Variants in LIPI observed in about 807,000 individuals in gnomAD.
LIPI encodes the protein lipase member I.
A neutral mutation model predicts 50.6 loss-of-function variants in LIPI; 59 were observed. That is an observed-to-expected ratio of 1.16 (90% confidence interval 0.94 to 1.45). LIPI has a LOEUF of 1.45. LIPI is among the 40% of genes most tolerant of loss of function. The pLI is 0.00. For synonymous variants in LIPI, 203 were observed against 178.2 expected, an observed-to-expected ratio of 1.14 and a Z score of -1.11; for missense variants, 586 against 536.3, an observed-to-expected ratio of 1.09 and a Z score of -0.92.
intron 6 of LIPI, 61 bp from the exon 7 acceptor site, chr21:14,163,584 A>G (rs918138480): frequency 2.4e-6 from 2 of 831,516 alleles, no homozygotes; most frequent in Non-Finnish European, 4.3e-6. Flanking sequence ...AAAATGTCAA[A>G]TCACTAAAGT....
intron 9 of LIPI, among the ~76,000 whole-genome samples, chr21:14,132,340 G>A (rs1166639982): frequency 6.6e-6 from 1 of 152,108 alleles, no homozygotes; most frequent in South Asian, 2.1e-4. Flanking sequence ...TATAAAGGAA[G>A]CCCCATCAGA....
intron 1 of LIPI, among the ~76,000 whole-genome samples, chr21:14,202,335 T>C (rs150444539): frequency 6.6e-6 from 1 of 152,134 alleles, no homozygotes; most frequent in African/African-American, 2.4e-5. Flanking sequence ...AAAACTATTT[T>C]AAAGTTCATA....
intron 1 of LIPI, among the ~76,000 whole-genome samples, chr21:14,205,009 A>AAT (rs1193986173): frequency 7.2e-5 from 11 of 151,752 alleles, no homozygotes; most frequent in East Asian, 3.9e-4. Context: ...GAAAGGAACT[A>AAT]ATATATATAT....
chr21:14,116,516 G>C lies in LIPI; in HGVS notation c.1296-7436C>G, dbSNP rs532829883. On this transcript the variant is annotated intron_variant, in intron 9 of 9. Transcript: ENST00000681601. ...AGCCGACTCCATTAGAATGTATGTTGAAGAACTTTAAGAAAGGCTTTGATG... is the reference window on the plus strand; with the variant it reads ...AGCCGACTCCATTAGAATGTATGTTCAAGAACTTTAAGAAAGGCTTTGATG... 2.6e-5 allele frequency among the ~76,000 whole-genome samples: 4 copies of C among 152,294 alleles called. No homozygotes were observed. In the South Asian group the frequency reaches 8.3e-4, roughly 32 times the overall value.
intron 7 of LIPI, among the ~76,000 whole-genome samples, chr21:14,162,218 T>C (rs572635551): frequency 1.3e-5 from 2 of 151,028 alleles, no homozygotes; most frequent in Non-Finnish European, 3.0e-5. Flanking sequence ...AGTGAAAAAA[T>C]AAGCCAATTA....
chr21:14,203,683 G>A (rs2020139622), intron 1 of LIPI, among the ~76,000 whole-genome samples: 1 of 151,828 alleles, frequency 6.6e-6, no homozygotes, highest in Non-Finnish European at 1.5e-5. Flanking sequence ...GGGGCCTGTT[G>A]TGGGGTGTGG....
At chr21:14,181,072 TTATC>T (rs1489950582) in intron 4 of LIPI, among the ~76,000 whole-genome samples, 10 of 152,300 alleles carry the variant, frequency 6.6e-5, no homozygotes, top group African/African-American at 1.9e-4. Context: ...ATGACAGTTG[TTATC>T]TATCTAACGG....
chr21:14,179,309 C>A (rs1046362144), intron 4 of LIPI, among the ~76,000 whole-genome samples: 1 of 151,752 alleles, frequency 6.6e-6, no homozygotes, highest in African/African-American at 2.4e-5. Flanking sequence ...GCTGAGTCCA[C>A]GCATATCATT....
chr21:14,204,428 T>A (rs1315900544), intron 1 of LIPI, among the ~76,000 whole-genome samples: 1 of 151,954 alleles, frequency 6.6e-6, no homozygotes. Context: ...CATGATTGAA[T>A]ATAAGCATTA....
chr21:14,208,869 T>C (rs910508334), intron 1 of LIPI, among the ~76,000 whole-genome samples: 4 of 152,016 alleles, frequency 2.6e-5, no homozygotes, highest in Admixed American at 6.6e-5. Flanking sequence ...CTGGGTAACA[T>C]AGTGAAACGC....
intron 1 of LIPI, among the ~76,000 whole-genome samples, chr21:14,198,909 C>A (rs546015119): frequency 1.3e-5 from 2 of 152,086 alleles, no homozygotes; most frequent in African/African-American, 4.8e-5. Context: ...AACAAAAAGT[C>A]TCTCATACCA....
At chr21:14,169,319 A>G (rs992186583) in intron 4 of LIPI, among the ~76,000 whole-genome samples, 3 of 152,128 alleles carry the variant, frequency 2.0e-5, no homozygotes, top group African/African-American at 7.2e-5. Context: ...CAGAAAGTTA[A>G]CAAGGATACC....
At chr21:14,129,808 TTA>T (rs1491435698) in intron 9 of LIPI, among the ~76,000 whole-genome samples, 129 of 140,948 alleles carry the variant, frequency 9.2e-4, no homozygotes, top group African/African-American at 3.2e-3. Flanking sequence ...GTTTTTTTTT[TTA>T]AAAAAAAAAA....
At chr21:14,138,663 C>T (rs1245843897) in intron 9 of LIPI, among the ~76,000 whole-genome samples, 1 of 151,966 alleles carries the variant, frequency 6.6e-6, no homozygotes, top group Admixed American at 6.6e-5. Flanking sequence ...GATAGTTCTG[C>T]AATTTTAATG....
rs370006466 is a variant in LIPI at position 14,152,595 on chromosome 21, T to C, written c.1096A>G (p.Ile366Val). The C allele has an allele frequency of 6.3e-6, 10 of 1,577,034 alleles. No homozygotes were observed. The highest frequency in any genetic ancestry group is 8.7e-6 in the Non-Finnish European group (10 of 1,148,116). The part of the protein sequence containing the change: ...SFKLLNQLGM[I>V]EEPRLYEKNK... ...TACTCATAAAGCCTTGGCTCTTCAATCATTCCAAGCTGATTTAATAATTTA... is the reference window on the plus strand; with the variant it reads ...TACTCATAAAGCCTTGGCTCTTCAACCATTCCAAGCTGATTTAATAATTTA... The change falls in exon 8 of 10, where the codon ATT becomes GTT. Residue 366 changes from isoleucine (I) to valine (V), a missense_variant. By Grantham distance (29) the Ile-to-Val change is conservative (BLOSUM62 3). Coordinates refer to ENST00000681601, the MANE Select transcript of LIPI (RefSeq NM_001302998.2).
chr21:14,150,945 T>C (rs2018068675), intron 8 of LIPI, among the ~76,000 whole-genome samples: 1 of 152,198 alleles, frequency 6.6e-6, no homozygotes, highest in South Asian at 2.1e-4. Flanking sequence ...TTAAATCATC[T>C]GCAATGTCTT....
intron 2 of LIPI, among the ~76,000 whole-genome samples, chr21:14,188,565 CT>C (rs1368470412): frequency 7.4e-5 from 4 of 54,048 alleles, no homozygotes; most frequent in African/African-American, 2.5e-4. Flanking sequence ...GAGAACCTGT[CT>C]CAAAAAAAAA....
chr21:14,158,083 T>G (rs2018333996), intron 7 of LIPI, among the ~76,000 whole-genome samples: 1 of 151,820 alleles, frequency 6.6e-6, no homozygotes, highest in African/African-American at 2.4e-5. Context: ...TTTAAGTTGA[T>G]GCTGTAATGA....
At chr21:14,181,208 T>C (rs2822437) in intron 4 of LIPI, among the ~76,000 whole-genome samples, 38,837 of 152,102 alleles carry the variant, frequency 0.26, 5,249 homozygotes, top group Middle Eastern at 0.34. Flanking sequence ...GAGGACAGTC[T>C]GTTTCTTAAA....
Sources: allele counts gnomAD v4.1 joint callset (sites outside exome capture counted in the v4.1 genomes callset), GRCh38; gene constraint gnomAD v4.1.1; transcripts MANE v1.5; gene names NCBI Gene and HGNC (gene_info 2026-07-23, HGNC 2026-07-21).